XXYLT1: variants seen among roughly 807,000 people sequenced by gnomAD.
The protein encoded by XXYLT1 is xyloside xylosyltransferase 1.
A neutral mutation model predicts 28.9 loss-of-function variants in XXYLT1; 20 were observed. The observed-to-expected ratio is 0.69, with a 90% confidence interval of 0.49 to 1.00. XXYLT1 has a LOEUF of 1.00. Among genes scored for constraint, XXYLT1 ranks in the 50% least tolerant of loss-of-function variants. The pLI is 0.00. For missense variants in XXYLT1, 542 were observed against 560.1 expected, an observed-to-expected ratio of 0.97 and a Z score of 0.33; for synonymous variants, 257 against 253.8, an observed-to-expected ratio of 1.01 and a Z score of -0.12.
intron 3 of XXYLT1, among the ~76,000 whole-genome samples, chr3:195,107,587 G>A (rs1396312689): frequency 1.9e-4 from 5 of 27,018 alleles, no homozygotes; most frequent in East Asian, 1.4e-3. Context: ...AGGAGGAGGG[G>A]GAGGAGGAGG....
chr3:195,224,233 C>A (rs766281028), intron 2 of XXYLT1, among the ~76,000 whole-genome samples: 2 of 152,238 alleles, frequency 1.3e-5, no homozygotes, highest in Non-Finnish European at 1.5e-5. Flanking sequence ...GTGTTTGGGT[C>A]GGCTGGAGGC....
intron 3 of XXYLT1, among the ~76,000 whole-genome samples, chr3:195,127,254 G>A (rs1442336430): frequency 1.2e-4 from 19 of 152,158 alleles, no homozygotes; most frequent in Non-Finnish European, 2.8e-4. Context: ...AGTTTGGGGA[G>A]TACCTCACAC....
chr3:195,181,284 TGGCTGCGGGGCTGCGG>T (rs971795031), intron 2 of XXYLT1, among the ~76,000 whole-genome samples: 1 of 150,074 alleles, frequency 6.7e-6, no homozygotes, highest in Non-Finnish European at 1.5e-5. Context: ...CGTGGCTGCG[TGGCTGCGGGGCTGCGG>T]GGCTGCGGAG....
chr3:195,186,229 C>T (rs780136493), intron 2 of XXYLT1, among the ~76,000 whole-genome samples: 2 of 152,242 alleles, frequency 1.3e-5, no homozygotes, highest in Non-Finnish European at 2.9e-5. Flanking sequence ...TCACTGTGCT[C>T]TCCAGGGATC....
intron 1 of XXYLT1, among the ~76,000 whole-genome samples, chr3:195,249,160 G>A (rs749017955): frequency 2.6e-5 from 4 of 152,122 alleles, no homozygotes; most frequent in Non-Finnish European, 5.9e-5. Context: ...GCCAAGTGCG[G>A]CACCAGCAGC....
intron 3 of XXYLT1, among the ~76,000 whole-genome samples, chr3:195,155,206 C>T (rs2108680319): frequency 6.6e-6 from 1 of 152,332 alleles, no homozygotes. Flanking sequence ...CACAACCGAG[C>T]TGAAGCTGCC....
intron 2 of XXYLT1, among the ~76,000 whole-genome samples, chr3:195,170,927 G>A (rs1176825841): frequency 6.6e-6 from 1 of 152,098 alleles, no homozygotes; most frequent in African/African-American, 2.4e-5. Flanking sequence ...TCAGAAATAG[G>A]TGAGGACACG....
intron 1 of XXYLT1, among the ~76,000 whole-genome samples, chr3:195,261,126 T>C (rs752897825): frequency 5.9e-5 from 9 of 152,218 alleles, no homozygotes; most frequent in Non-Finnish European, 1.2e-4. Context: ...CGTCTGCACT[T>C]TTATACATTC....
At chr3:195,270,140 A>G in intron 1 of XXYLT1, 1 of 405,632 alleles carries the variant, frequency 2.5e-6, no homozygotes, top group South Asian at 1.9e-5. Flanking sequence ...CAGAGGCCTC[A>G]CCAAGGCCCT....
intron 3 of XXYLT1, among the ~76,000 whole-genome samples, chr3:195,116,755 T>C (rs938245417): frequency 6.6e-6 from 1 of 152,114 alleles, no homozygotes; most frequent in African/African-American, 2.4e-5. Context: ...CAGGACCAGG[T>C]AAAGGCTGAG....
In XXYLT1 at chr3:195,242,924, C is replaced by T. The variant is rs555527027; in HGVS notation, c.505-16068G>A. Among the ~76,000 whole-genome samples the T allele has an allele frequency of 3.3e-5, 5 of 152,288 alleles. 1 individual carries two copies. The highest frequency in any genetic ancestry group is 4.8e-5 in the African/African-American group (2 of 41,560). On this transcript the variant is annotated intron_variant, in intron 1 of 3. Transcript: ENST00000310380. Reference sequence around the variant, plus strand: ...AGCTTGCTGGCCCAGCCCTTCAAGACGCCTTTTCTGTTAGAAAAGAGATGG... The same window carrying T: ...AGCTTGCTGGCCCAGCCCTTCAAGATGCCTTTTCTGTTAGAAAAGAGATGG...
intron 2 of XXYLT1, among the ~76,000 whole-genome samples, chr3:195,160,406 C>T (rs991032787): frequency 5.3e-5 from 8 of 152,158 alleles, no homozygotes; most frequent in African/African-American, 1.9e-4. Flanking sequence ...AGAGCATCAG[C>T]CCAAATTCCA....
rs184589380 is a variant in XXYLT1, at chr3:195,085,616, G to A, written c.786-15505C>T. 1.1e-4 allele frequency among the ~76,000 whole-genome samples: 16 copies of A among 152,314 alleles called. No homozygotes were observed. In the East Asian group the frequency reaches 3.1e-3, roughly 29 times the overall value. ...AGCTCCAAGAGCCCAGTCATCCTGC[G>A]GGCCGCGGTGGGCAGCCGCGAGCCA... On this transcript the variant is annotated intron_variant, in intron 3 of 3. Coordinates refer to ENST00000310380, the MANE Select transcript of XXYLT1 (RefSeq NM_152531.5).
chr3:195,171,635 C>A (rs1430561688), intron 2 of XXYLT1, among the ~76,000 whole-genome samples: 1 of 152,198 alleles, frequency 6.6e-6, no homozygotes, highest in Non-Finnish European at 1.5e-5. Context: ...AACAAACAAA[C>A]AAACAAAAAG....
intron 2 of XXYLT1, among the ~76,000 whole-genome samples, chr3:195,167,332 T>A (rs1351924133): frequency 1.3e-5 from 2 of 152,230 alleles, no homozygotes. Context: ...GACTCATGCC[T>A]GTAATCTCAA....
intron 2 of XXYLT1, among the ~76,000 whole-genome samples, chr3:195,198,696 G>A (rs74433277): frequency 6.8e-4 from 104 of 152,202 alleles, no homozygotes; most frequent in African/African-American, 2.4e-3. Context: ...TTCAGTGCTC[G>A]TAACTATTAT....
intron 3 of XXYLT1, among the ~76,000 whole-genome samples, chr3:195,140,545 C>T (rs534079995): frequency 6.6e-6 from 1 of 152,234 alleles, no homozygotes; most frequent in African/African-American, 2.4e-5. Context: ...GCAGACTGTA[C>T]AGGAAGCATG....
chr3:195,132,480 AG>A (rs1718951685), intron 3 of XXYLT1, among the ~76,000 whole-genome samples: 1 of 152,080 alleles, frequency 6.6e-6, no homozygotes, highest in African/African-American at 2.4e-5. Context: ...AAAAAAAAAA[AG>A]AAAGAAAATA....
intron 3 of XXYLT1, chr3:195,085,938 ACACT>A (rs1252419039): frequency 6.6e-6 from 1 of 152,078 alleles, no homozygotes. Flanking sequence ...GCGGAGGCCA[ACACT>A]CACTATGACT....
Sources: gnomAD v4.1 joint callset for allele counts (sites outside exome capture counted in the v4.1 genomes callset) on GRCh38, gnomAD v4.1.1 for gene constraint, MANE v1.5 for transcripts, NCBI Gene and HGNC (gene_info 2026-07-23, HGNC 2026-07-21) for gene names.